MINDY2: variants seen among roughly 807,000 people sequenced by gnomAD.
MINDY2 encodes MINDY lysine 48 deubiquitinase 2.
In MINDY2, 52 loss-of-function variants were observed where a neutral mutation model predicts 68.2. The ratio of observed to expected loss-of-function variants is 0.76; its 90% CI spans 0.61 to 0.96. The LOEUF (loss-of-function observed/expected upper bound fraction) is 0.96. Ranked by LOEUF, MINDY2 falls within the 40% of genes least tolerant of loss-of-function variation. The pLI, the probability that MINDY2 is intolerant of heterozygous loss-of-function variation, is 0.00. For missense variants in MINDY2, 881 were observed against 773.4 expected, an observed-to-expected ratio of 1.14 and a Z score of -1.65; for synonymous variants, 372 against 303.0, an observed-to-expected ratio of 1.23 and a Z score of -2.36.
intron 3 of MINDY2, among the ~76,000 whole-genome samples, chr15:58,807,918 A>G (rs1345290424): frequency 3.3e-5 from 5 of 151,922 alleles, no homozygotes; most frequent in African/African-American, 9.7e-5. Flanking sequence ...GCTTCCTAAC[A>G]TTTAGTGCTC....
At chr15:58,777,278 A>G (rs1353988452) in intron 1 of MINDY2, among the ~76,000 whole-genome samples, 1 of 152,196 alleles carries the variant, frequency 6.6e-6, no homozygotes, top group East Asian at 1.9e-4. Context: ...GGGGCAGAGA[A>G]TTAGAGAATT....
chr15:58,796,198 A>G (rs1268057115), intron 2 of MINDY2: 1 of 453,122 alleles, frequency 2.2e-6, no homozygotes, highest in Non-Finnish European at 4.4e-6. Flanking sequence ...AATGGAGAAC[A>G]TGTGACTTGT....
intron 2 of MINDY2, among the ~76,000 whole-genome samples, chr15:58,795,303 T>G (rs1233516792): frequency 1.3e-5 from 2 of 152,218 alleles, no homozygotes; most frequent in African/African-American, 4.8e-5. Context: ...TGTTTCAACT[T>G]TCTTTTCGTT....
At chr15:58,797,997 T>C (rs138974288) in intron 2 of MINDY2, among the ~76,000 whole-genome samples, 127 of 152,368 alleles carry the variant, frequency 8.3e-4, no homozygotes, top group African/African-American at 2.9e-3. Flanking sequence ...GGGCACCTTC[T>C]ATGATTTAAA....
At chr15:58,829,768 G>A (rs2031613219) in intron 5 of MINDY2, among the ~76,000 whole-genome samples, 2 of 152,138 alleles carry the variant, frequency 1.3e-5, no homozygotes, top group Non-Finnish European at 2.9e-5. Flanking sequence ...TATAGTTTTT[G>A]TACTTCTATC....
At chr15:58,815,659 G>A (rs1298701567) in intron 4 of MINDY2, 2 of 151,800 alleles carry the variant, frequency 1.3e-5, no homozygotes, top group African/African-American at 4.8e-5. Flanking sequence ...AAGAAGAAAG[G>A]ATATTATTTC....
At chr15:58,775,772 A>G (rs973951706) in intron 1 of MINDY2, among the ~76,000 whole-genome samples, 2 of 152,172 alleles carry the variant, frequency 1.3e-5, no homozygotes, top group Admixed American at 6.5e-5. Flanking sequence ...GGTTGTGTTG[A>G]GTTGGAAATG....
intron 4 of MINDY2, among the ~76,000 whole-genome samples, chr15:58,811,837 C>T (rs144098473): frequency 3.9e-5 from 6 of 152,162 alleles, no homozygotes; most frequent in African/African-American, 1.2e-4. Flanking sequence ...AAAAATAATT[C>T]TACTGTAACA....
intron 6 of MINDY2, among the ~76,000 whole-genome samples, chr15:58,839,064 A>G (rs8030897): frequency 0.023 from 3,473 of 152,184 alleles, 121 homozygotes; most frequent in African/African-American, 0.076. Flanking sequence ...ATAGGAATTT[A>G]CTAAACCCTA....
intron 4 of MINDY2, among the ~76,000 whole-genome samples, chr15:58,811,166 G>A (rs1440429973): frequency 6.6e-6 from 1 of 152,208 alleles, no homozygotes; most frequent in Non-Finnish European, 1.5e-5. Context: ...TAGGAGCTGG[G>A]ACAAAGGTCA....
intron 6 of MINDY2, among the ~76,000 whole-genome samples, chr15:58,834,156 A>G (rs2031881852): frequency 6.6e-6 from 1 of 152,178 alleles, no homozygotes; most frequent in African/African-American, 2.4e-5. Flanking sequence ...TTCAGGGAGC[A>G]CAGGGTTGGG....
rs1389427927 is a variant in MINDY2, at chr15:58,841,591, GAC to G, written c.1369-5702_1369-5701del. ...TGGCTAATTTTGTACTTTTAGTAGA[GAC>G]ACAGTTTCACCATGTTCGTCAGGCT... On this transcript the variant is annotated intron_variant, in intron 6 of 8. Transcript: ENST00000559228. Among the ~76,000 whole-genome samples the G allele has an allele frequency of 1.0e-3, 159 of 151,884 alleles. 1 individual carries two copies. Among genetic ancestry groups the G allele is most frequent in the African/African-American group, 3.6e-3 (150 of 41,420 alleles).
chr15:58,829,270 A>G (rs1339648995), intron 5 of MINDY2, among the ~76,000 whole-genome samples: 1 of 152,212 alleles, frequency 6.6e-6, no homozygotes, highest in Non-Finnish European at 1.5e-5. Context: ...ATTACGAAAC[A>G]TTGTTTTTTC....
intron 1 of MINDY2, among the ~76,000 whole-genome samples, chr15:58,783,046 A>C (rs969681071): frequency 2.0e-5 from 3 of 149,452 alleles, no homozygotes; most frequent in Non-Finnish European, 4.4e-5. Flanking sequence ...CAGCCTCCTG[A>C]GTAGCTGGGA....
intron 4 of MINDY2, among the ~76,000 whole-genome samples, chr15:58,816,326 A>G (rs1286511159): frequency 2.0e-5 from 3 of 152,230 alleles, no homozygotes; most frequent in Admixed American, 6.5e-5. Flanking sequence ...TGGCAGATCA[A>G]TGCCAGATAA....
intron 6 of MINDY2, among the ~76,000 whole-genome samples, chr15:58,846,723 A>G (rs1465702623): frequency 6.6e-6 from 1 of 152,224 alleles, no homozygotes; most frequent in East Asian, 1.9e-4. Flanking sequence ...GCAGGAAAAT[A>G]CAATCAATAC....
chr15:58,807,627 T>G (rs1333301637), intron 3 of MINDY2, among the ~76,000 whole-genome samples: 1 of 152,156 alleles, frequency 6.6e-6, no homozygotes, highest in Non-Finnish European at 1.5e-5. Context: ...CCTCCCAAAG[T>G]GCTGGGATTA....
intron 1 of MINDY2, among the ~76,000 whole-genome samples, chr15:58,781,729 G>A (rs1009556178): frequency 2.0e-5 from 3 of 151,838 alleles, no homozygotes; most frequent in African/African-American, 4.8e-5. Context: ...ATGGTGAAAC[G>A]CTGTCTCTAC....
intron 4 of MINDY2, among the ~76,000 whole-genome samples, chr15:58,810,757 G>C (rs1246286164): frequency 6.6e-6 from 1 of 152,158 alleles, no homozygotes; most frequent in Non-Finnish European, 1.5e-5. Context: ...GTTCATTACA[G>C]GGCAAAGATA....
Sources: gnomAD v4.1 joint callset for allele counts (sites outside exome capture counted in the v4.1 genomes callset) on GRCh38, gnomAD v4.1.1 for gene constraint, MANE v1.5 for transcripts, NCBI Gene and HGNC (gene_info 2026-07-23, HGNC 2026-07-21) for gene names.